Variants in CASTOR2 observed in about 807,000 individuals in gnomAD.
CASTOR2 encodes the protein GATS protein like 2.
A neutral mutation model predicts 31.2 loss-of-function variants in CASTOR2; 8 were observed. The ratio of observed to expected loss-of-function variants is 0.26; its 90% CI spans 0.15 to 0.46. The LOEUF is 0.46. CASTOR2 is among the 20% of genes least tolerant of loss of function. CASTOR2 has a pLI of 0.99. For missense variants in CASTOR2, 216 were observed against 382.1 expected (o/e 0.57, Z 3.62); for synonymous variants, 162 against 158.7 (o/e 1.02, Z -0.16).
intron 7 of CASTOR2, among the ~76,000 whole-genome samples, chr7:75,023,038 G>GTT (rs1395889388): frequency 2.6e-5 from 4 of 152,074 alleles, no homozygotes; most frequent in African/African-American, 7.2e-5. Context: ...ACCGGGCAAG[G>GTT]TGGCTTACGC....
intron 1 of CASTOR2, among the ~76,000 whole-genome samples, chr7:74,977,762 G>C (rs1485123945): frequency 6.7e-6 from 1 of 150,206 alleles, no homozygotes; most frequent in Non-Finnish European, 1.5e-5. Flanking sequence ...CTCCAGCCTC[G>C]ATTTCTCAGG....
chr7:75,007,773 G>A lies in CASTOR2; in HGVS notation c.114-221G>A, dbSNP rs1804638274. On this transcript the variant is annotated intron_variant, in intron 1 of 8. Coordinates refer to ENST00000616305, the MANE Select transcript of CASTOR2 (RefSeq NM_001145064.3). ...GGCTCCGAGGTCCCCAAAGATTGCG[G>A]GGGTATAGTGGGGACAATCAGCATC... 8 of 653,180 alleles carry A rather than the reference G, an allele frequency of 1.2e-5. No homozygotes were observed. In the South Asian group the frequency reaches 1.5e-4, roughly 12 times the overall value. The allele number at this position is 653,180 out of a possible 1,614,324, so 40.5% of individuals were successfully genotyped here.
chr7:74,986,444 C>A (rs1389952484), intron 1 of CASTOR2, among the ~76,000 whole-genome samples: 1 of 149,184 alleles, frequency 6.7e-6, no homozygotes. Context: ...GAGCCAAGAT[C>A]GTGCCACTGC....
chr7:75,014,877 C>T (rs1804832464), intron 2 of CASTOR2, among the ~76,000 whole-genome samples: 1 of 152,252 alleles, frequency 6.6e-6, no homozygotes, highest in African/African-American at 2.4e-5. Context: ...GTACACTTCA[C>T]CACCTCGGAG....
intron 1 of CASTOR2, among the ~76,000 whole-genome samples, chr7:74,990,784 G>A (rs1482703403): frequency 1.6e-4 from 25 of 152,362 alleles, no homozygotes; most frequent in African/African-American, 4.8e-4. Context: ...GAATGCGGGA[G>A]GCAGAGGTTG....
At chr7:74,994,382 C>T (rs1167689119) in intron 1 of CASTOR2, among the ~76,000 whole-genome samples, 63 of 152,208 alleles carry the variant, frequency 4.1e-4, no homozygotes, top group African/African-American at 1.4e-3. Flanking sequence ...AGGGTGGTGG[C>T]TCAGCCTCTC....
chr7:75,001,509 G>A (rs1804494994), intron 1 of CASTOR2, among the ~76,000 whole-genome samples: 1 of 152,226 alleles, frequency 6.6e-6, no homozygotes, highest in Admixed American at 6.5e-5. Context: ...TCTGGGGTGT[G>A]GACCTGGCCA....
chr7:75,023,610 T>A (rs1346927997), intron 7 of CASTOR2, among the ~76,000 whole-genome samples: 1 of 151,846 alleles, frequency 6.6e-6, no homozygotes, highest in Non-Finnish European at 1.5e-5. Flanking sequence ...CGGCTAATTC[T>A]TGTAGTTTTA....
chr7:74,987,606 C>CT (rs1243597826), intron 1 of CASTOR2, among the ~76,000 whole-genome samples: 1 of 152,220 alleles, frequency 6.6e-6, no homozygotes, highest in East Asian at 1.9e-4. Flanking sequence ...TGCCTCTGGT[C>CT]TCCCGAGGGC....
In CASTOR2 at chr7:75,024,703, G is replaced by T. The variant is rs1424338601; in HGVS notation, c.*4G>T. On this transcript the variant is annotated 3_prime_UTR_variant, in exon 9 of 9. Transcript: ENST00000616305. ...CAGCCAAGCAGAGAAGCACTAGAAG[G>T]GTCTCTTCTGCTCCTCCCTGCCGCC... 13 of 1,551,448 alleles carry T rather than the reference G, an allele frequency of 8.4e-6. No individual in the cohort carries two copies. In the East Asian group the frequency reaches 2.2e-4, roughly 26 times the overall value.
Position 75,028,195 on chromosome 7 carries a change from G to A in CASTOR2, c.*3496G>A. 1.0e-6 allele frequency: 1 copy of A among 953,174 alleles called. No individual in the cohort carries two copies. The highest frequency in any genetic ancestry group is 1.5e-6 in the Non-Finnish European group (1 of 665,086). The allele number at this position is 953,174 out of a possible 1,614,324, so 59.0% of individuals were successfully genotyped here. On this transcript the variant is annotated 3_prime_UTR_variant, in exon 9 of 9. Coordinates refer to ENST00000616305, the MANE Select transcript of CASTOR2 (RefSeq NM_001145064.3). Reference sequence around the variant, plus strand: ...TGCTGTGGCATGATCTCAGCTCACTGCAGCAACCTCCACTTCCTGGGTTCA... The same window carrying A: ...TGCTGTGGCATGATCTCAGCTCACTACAGCAACCTCCACTTCCTGGGTTCA...
chr7:74,974,389 T>C (rs1324158956), intron 1 of CASTOR2, among the ~76,000 whole-genome samples: 1 of 150,248 alleles, frequency 6.7e-6, no homozygotes, highest in Non-Finnish European at 1.5e-5. Context: ...ACGTGAGTCC[T>C]GTATGTTCTC....
At chr7:75,016,438 A>G (rs1251409560) in intron 2 of CASTOR2, among the ~76,000 whole-genome samples, 1 of 152,196 alleles carries the variant, frequency 6.6e-6, no homozygotes, top group Non-Finnish European at 1.5e-5. Flanking sequence ...CAGGAGGGAC[A>G]TGGGTGACAG....
intron 5 of CASTOR2, among the ~76,000 whole-genome samples, chr7:75,019,526 CAG>C (rs1290667853): frequency 6.6e-6 from 1 of 152,156 alleles, no homozygotes; most frequent in Non-Finnish European, 1.5e-5. Flanking sequence ...GCCCCAGTCT[CAG>C]GGGTGAGACA....
In CASTOR2 at chr7:75,020,088, T is replaced by C; in HGVS notation, c.685T>C (p.Phe229Leu). ...GGATGACTGCGGCCACATCCGCTTC[T>C]TCTCCTTCTCCCTCATCGAGGGCTA... Reference protein sequence around the residue: ...TGDDCGHIRFFSFSLIEGYIS... With the variant: ...TGDDCGHIRFLSFSLIEGYIS... Residue 229 changes from phenylalanine to leucine, a missense_variant, in exon 6 of 9, where the codon TTC becomes CTC. This residue lies in a region of CASTOR2 where 44 missense variants were observed against 57.5 expected (regional missense o/e 0.76). Coordinates refer to ENST00000616305, the MANE Select transcript of CASTOR2 (RefSeq NM_001145064.3). The C allele has an allele frequency of 6.4e-7, 1 of 1,551,496 alleles. No individual in the cohort carries two copies. The highest frequency in any genetic ancestry group is 8.7e-7 in the Non-Finnish European group (1 of 1,146,834).
chr7:74,989,460 C>T (rs1205721811), intron 1 of CASTOR2, among the ~76,000 whole-genome samples: 19 of 152,048 alleles, frequency 1.2e-4, no homozygotes, highest in African/African-American at 4.3e-4. Context: ...CTCGCTCTGT[C>T]ACCCAGGCTG....
At chr7:74,975,648 C>T (rs1376964034) in intron 1 of CASTOR2, among the ~76,000 whole-genome samples, 1 of 108,742 alleles carries the variant, frequency 9.2e-6, no homozygotes, top group South Asian at 3.4e-4. Flanking sequence ...GCCGAGATCG[C>T]GCCACTGCAT....
At chr7:75,013,602 C>CA (rs1804800753) in intron 2 of CASTOR2, among the ~76,000 whole-genome samples, 1 of 151,978 alleles carries the variant, frequency 6.6e-6, no homozygotes, top group South Asian at 2.1e-4. Flanking sequence ...ATGATTGTAC[C>CA]ACTGCACTCC....
rs1385330076 is a variant in CASTOR2, at chr7:75,024,846, C to T, written c.*147C>T. 6.5e-7 allele frequency: 1 copy of T among 1,541,188 alleles called. No homozygotes were observed. Among genetic ancestry groups the T allele is most frequent in the African/African-American group, 1.4e-5 (1 of 72,782 alleles). Reference sequence around the variant, plus strand: ...GTGGGAGACTCCCTCGATTGCCAATCCCTCCAGGGCAGGGGCCCACGCCAA... The same window carrying T: ...GTGGGAGACTCCCTCGATTGCCAATTCCTCCAGGGCAGGGGCCCACGCCAA... On this transcript the variant is annotated 3_prime_UTR_variant, in exon 9 of 9. Coordinates refer to ENST00000616305, the MANE Select transcript of CASTOR2 (RefSeq NM_001145064.3).
Sources: allele counts gnomAD v4.1 joint callset (sites outside exome capture counted in the v4.1 genomes callset), GRCh38; gene constraint gnomAD v4.1.1; regional missense constraint gnomAD v4.1.1; transcripts MANE v1.5; gene names NCBI Gene and HGNC (gene_info 2026-07-23, HGNC 2026-07-21).